PPP1R12B: variants seen among roughly 807,000 people sequenced by gnomAD.
PPP1R12B encodes myosin phosphatase target subunit 2.
PPP1R12B carries 76 observed loss-of-function variants against 126.1 expected under a neutral mutation model. That is an observed-to-expected ratio of 0.60 (90% confidence interval 0.50 to 0.73). The LOEUF is 0.73. Among genes scored for constraint, PPP1R12B ranks in the 30% least tolerant of loss-of-function variants. The probability of loss-of-function intolerance (pLI) is 0.00; values close to 1 mark genes in which losing one functional copy is unlikely to be tolerated. For synonymous variants in PPP1R12B, 356 were observed against 434.7 expected (o/e 0.82, Z 2.25); for missense variants, 1,052 against 1,205.1 (o/e 0.87, Z 1.88).
At chr1:202,580,383 C>T (rs1023085948) in intron 23 of PPP1R12B, 91 bp from the exon 24 acceptor site, 268 of 899,076 alleles carry the variant, frequency 3.0e-4, no homozygotes, top group Non-Finnish European at 2.0e-4. Context: ...TCTCAAAAGG[C>T]CCTGCTCACC....
chr1:202,495,245 T>C, intron 15 of PPP1R12B, 48 bp from the exon 16 acceptor site: 2 of 1,486,954 alleles, frequency 1.3e-6, no homozygotes, highest in African/African-American at 1.4e-5. Flanking sequence ...GTCCTTACTC[T>C]TTAGATGGAC....
chr1:202,467,438 T>C (rs1182299330), intron 13 of PPP1R12B, among the ~76,000 whole-genome samples: 1 of 151,314 alleles, frequency 6.6e-6, no homozygotes, highest in Non-Finnish European at 1.5e-5. Flanking sequence ...TGTGTTCTCA[T>C]TGTTCAATTC....
intron 1 of PPP1R12B, among the ~76,000 whole-genome samples, chr1:202,358,222 G>T (rs1330635100): frequency 6.6e-6 from 1 of 152,124 alleles, no homozygotes; most frequent in East Asian, 1.9e-4. Context: ...TGTTGATGTT[G>T]TTTTTGTCTG....
At chr1:202,435,134 A>G (rs1038094438) in intron 9 of PPP1R12B, among the ~76,000 whole-genome samples, 1 of 152,092 alleles carries the variant, frequency 6.6e-6, no homozygotes, top group African/African-American at 2.4e-5. Flanking sequence ...GCCCCACCCT[A>G]TTAACCTCAT....
intron 18 of PPP1R12B, chr1:202,539,916 T>C (rs1411856938): frequency 3.1e-6 from 2 of 650,892 alleles, no homozygotes; most frequent in East Asian, 5.7e-5. Flanking sequence ...TGGTCAAAGC[T>C]GAATTGAAAA....
intron 19 of PPP1R12B, among the ~76,000 whole-genome samples, chr1:202,560,887 G>A (rs181594565): frequency 6.6e-6 from 1 of 152,216 alleles, no homozygotes; most frequent in African/African-American, 2.4e-5. Context: ...AAAAATATTT[G>A]CTGCCTATAT....
At chr1:202,486,765 G>A (rs1017626684) in intron 13 of PPP1R12B, among the ~76,000 whole-genome samples, 10 of 152,288 alleles carry the variant, frequency 6.6e-5, no homozygotes, top group East Asian at 3.9e-4. Context: ...CTGTGATCAC[G>A]CCACTGTACT....
chr1:202,360,117 T>C (rs541205337), intron 1 of PPP1R12B, among the ~76,000 whole-genome samples: 9 of 152,358 alleles, frequency 5.9e-5, no homozygotes, highest in African/African-American at 2.2e-4. Flanking sequence ...TAAGGTGTTC[T>C]TTTGTCCCAC....
At chr1:202,358,693 A>C (rs1044798382) in intron 1 of PPP1R12B, among the ~76,000 whole-genome samples, 14 of 152,174 alleles carry the variant, frequency 9.2e-5, no homozygotes, top group Non-Finnish European at 1.8e-4. Context: ...AAAAAAAAAA[A>C]AAAAACTGAA....
intron 18 of PPP1R12B, among the ~76,000 whole-genome samples, chr1:202,540,825 C>G (rs1202150191): frequency 6.6e-6 from 1 of 152,172 alleles, no homozygotes; most frequent in Non-Finnish European, 1.5e-5. Flanking sequence ...CCTTAATCAC[C>G]AAGTACCTTC....
At chr1:202,461,453 A>G (rs555480220) in intron 13 of PPP1R12B, among the ~76,000 whole-genome samples, 15 of 152,340 alleles carry the variant, frequency 9.8e-5, no homozygotes, top group African/African-American at 2.9e-4. Flanking sequence ...TTAGAGATAT[A>G]TATGACAATT....
intron 13 of PPP1R12B, among the ~76,000 whole-genome samples, chr1:202,467,698 C>G (rs1675231477): frequency 6.6e-6 from 1 of 152,168 alleles, no homozygotes; most frequent in Admixed American, 6.5e-5. Flanking sequence ...GTGCATGTGT[C>G]TTTATAGCAG....
intron 18 of PPP1R12B, among the ~76,000 whole-genome samples, chr1:202,531,876 C>G (rs1245634702): frequency 6.6e-6 from 1 of 152,210 alleles, no homozygotes; most frequent in Non-Finnish European, 1.5e-5. Flanking sequence ...GCAGTCCGAT[C>G]TGGACCCCAA....
intron 1 of PPP1R12B, among the ~76,000 whole-genome samples, chr1:202,389,694 C>G (rs935001700): frequency 2.0e-5 from 3 of 151,808 alleles, no homozygotes; most frequent in Non-Finnish European, 4.4e-5. Flanking sequence ...CTTTGGGAGG[C>G]CAAGGCGGGA....
chr1:202,543,644 G>C (rs1305674002), intron 18 of PPP1R12B, among the ~76,000 whole-genome samples: 3 of 152,162 alleles, frequency 2.0e-5, no homozygotes, highest in Non-Finnish European at 2.9e-5. Context: ...GGCTGAAGCA[G>C]GAGAATCGAT....
chr1:202,515,158 A>G (rs897212688), intron 18 of PPP1R12B, among the ~76,000 whole-genome samples: 4 of 152,178 alleles, frequency 2.6e-5, no homozygotes, highest in Admixed American at 6.5e-5. Context: ...GGAGGGTAGG[A>G]GGAGGGAGAG....
rs761698552 is a variant in PPP1R12B, at chr1:202,574,985, T to C, written c.2863-5489T>C. The C allele has an allele frequency of 4.4e-6, 7 of 1,589,628 alleles. No individual in the cohort carries two copies. The Admixed American group carries it at 1.2e-4, about 27-fold the overall frequency. On this transcript the variant is annotated intron_variant, in intron 23 of 23. Coordinates refer to ENST00000608999, the MANE Select transcript of PPP1R12B (RefSeq NM_002481.4). ...CTGTCTTTTCTGTCTGTCCTTTTCA[T>C]GTCTCAATCTCTACAGAACCTCCAC...
chr1:202,494,985 G>C (rs1302871414), intron 15 of PPP1R12B, among the ~76,000 whole-genome samples: 1 of 151,682 alleles, frequency 6.6e-6, no homozygotes, highest in African/African-American at 2.4e-5. Context: ...AAGATCAAAG[G>C]AATTTTTTTT....
At chr1:202,420,967 CTTTTTTTTT>C (rs56164548) in intron 2 of PPP1R12B, among the ~76,000 whole-genome samples, 6 of 118,520 alleles carry the variant, frequency 5.1e-5, no homozygotes, top group Admixed American at 1.0e-4. Context: ...CCTCTGCCAA[CTTTTTTTTT>C]TTTTTTTTTT....
Sources: allele counts gnomAD v4.1 joint callset (sites outside exome capture counted in the v4.1 genomes callset), GRCh38; gene constraint gnomAD v4.1.1; transcripts MANE v1.5; gene names NCBI Gene and HGNC (gene_info 2026-07-23, HGNC 2026-07-21).